MATCAP1: variants seen among roughly 807,000 people sequenced by gnomAD.
MATCAP1 encodes microtubule-associated tyrosine carboxypeptidase 1.
the MATCAP1 span, chr16:67,180,576 T>C: frequency 1.3e-6 from 2 of 1,524,808 alleles, no homozygotes. Flanking sequence ...GGGGGGTGCC[T>C]GATCATACGC....
the MATCAP1 span, chr16:67,179,767 C>T: frequency 1.2e-6 from 2 of 1,608,508 alleles, no homozygotes; most frequent in South Asian, 1.1e-5. The surrounding 1 kb of genome is among the most constrained non-coding windows in gnomAD (Gnocchi z 5.2). Flanking sequence ...GCCCACAAGA[C>T]ACCCTGATTT....
chr16:67,180,908 G>A, the MATCAP1 span, among the ~76,000 whole-genome samples: 1 of 152,138 alleles, frequency 6.6e-6, no homozygotes, highest in Non-Finnish European at 1.5e-5. Flanking sequence ...GTTGCCCAAG[G>A]TGGAGTGCAG....
At chr16:67,183,096 C>G in the MATCAP1 span, among the ~76,000 whole-genome samples, 3 of 151,894 alleles carry the variant, frequency 2.0e-5, no homozygotes, top group African/African-American at 7.3e-5. Flanking sequence ...CATCTTCCCC[C>G]TCTCCACTCC....
the MATCAP1 span, chr16:67,179,872 C>G: frequency 6.2e-7 from 1 of 1,614,136 alleles, no homozygotes; most frequent in African/African-American, 1.3e-5. The surrounding 1 kb of genome is among the most constrained non-coding windows in gnomAD (Gnocchi z 5.2). Flanking sequence ...ATATCTGGCA[C>G]TTGGTGAGCA....
chr16:67,180,231 C>T, the MATCAP1 span: 10 of 1,613,930 alleles, frequency 6.2e-6, no homozygotes, highest in Admixed American at 1.7e-5. Flanking sequence ...GCCTGCATCC[C>T]TTTGAGTCTT....
chr16:67,179,184 GGA>G, the MATCAP1 span: 5 of 1,335,594 alleles, frequency 3.7e-6, no homozygotes, highest in African/African-American at 7.4e-5. The surrounding 1 kb of genome is among the most constrained non-coding windows in gnomAD (Gnocchi z 5.2). Flanking sequence ...GAGAGGAAGT[GGA>G]GAGAGAAAAA....
At chr16:67,178,418 T>C in the MATCAP1 span, 1 of 1,541,566 alleles carries the variant, frequency 6.5e-7, no homozygotes, top group Non-Finnish European at 8.7e-7. Flanking sequence ...TCCGTGGGGT[T>C]CGCCGGCCGC....
At chr16:67,176,066 T>A in the MATCAP1 span, 1 of 54,494 alleles carries the variant, frequency 1.8e-5, no homozygotes, top group Non-Finnish European at 4.0e-5. The surrounding 1 kb of genome is among the most constrained non-coding windows in gnomAD (Gnocchi z 4.3). Flanking sequence ...TGTGTGTGTG[T>A]GTGTGTGTGT....
the MATCAP1 span, among the ~76,000 whole-genome samples, chr16:67,182,522 T>A: frequency 6.6e-6 from 1 of 152,200 alleles, no homozygotes; most frequent in Admixed American, 6.5e-5. Context: ...TCAGTGCAAT[T>A]TGAGATACTG....
At chr16:67,180,733 G>A in the MATCAP1 span, 2 of 591,962 alleles carry the variant, frequency 3.4e-6, no homozygotes, top group Non-Finnish European at 5.4e-6. Flanking sequence ...AGCAGGCCCT[G>A]TACTCCACAT....
At chr16:67,179,761 A>C in the MATCAP1 span, 2 of 1,607,680 alleles carry the variant, frequency 1.2e-6, no homozygotes, top group Admixed American at 3.3e-5. This position sits in a 1 kb window ranked among gnomAD's most constrained non-coding sequence, Gnocchi z 5.2. Flanking sequence ...GGGACCGCCC[A>C]CAAGACACCC....
chr16:67,179,052 G>A, the MATCAP1 span: 2 of 1,126,250 alleles, frequency 1.8e-6, no homozygotes, highest in South Asian at 3.7e-5. The surrounding 1 kb of genome is among the most constrained non-coding windows in gnomAD (Gnocchi z 5.2). Flanking sequence ...TCCATTCCCA[G>A]GACCTGGCCT....
chr16:67,178,448 C>G, the MATCAP1 span: 4 of 1,536,030 alleles, frequency 2.6e-6, no homozygotes, highest in Non-Finnish European at 3.5e-6. Context: ...CGCAGCCGGC[C>G]CTCCGCGTTG....
chr16:67,180,349 T>A, the MATCAP1 span: 1 of 1,612,618 alleles, frequency 6.2e-7, no homozygotes, highest in Non-Finnish European at 8.5e-7. Context: ...CGGCCAGTAC[T>A]ATTTACAGAG....
At chr16:67,180,616 C>A in the MATCAP1 span, 1 of 1,507,836 alleles carries the variant, frequency 6.6e-7, no homozygotes. Context: ...ACCATTCTGT[C>A]CTGGGGGTCA....
At chr16:67,182,228 A>G in the MATCAP1 span, among the ~76,000 whole-genome samples, 1 of 151,084 alleles carries the variant, frequency 6.6e-6, no homozygotes, top group East Asian at 1.9e-4. Flanking sequence ...CAGCCTGGGC[A>G]ACAACAGCGA....
chr16:67,179,386 C>A, the MATCAP1 span: 1 of 1,566,950 alleles, frequency 6.4e-7, no homozygotes, highest in Admixed American at 1.8e-5. The surrounding 1 kb of genome is among the most constrained non-coding windows in gnomAD (Gnocchi z 5.2). Flanking sequence ...AGCTCCCAGG[C>A]CCCTTTCATG....
the MATCAP1 span, chr16:67,177,986 CT>C: frequency 6.2e-7 from 1 of 1,601,822 alleles, no homozygotes; most frequent in Non-Finnish European, 8.6e-7. Context: ...TGGCTGGGAC[CT>C]CTGAAGGTCC....
the MATCAP1 span, chr16:67,179,022 C>T: frequency 1.1e-6 from 1 of 927,280 alleles, no homozygotes; most frequent in Non-Finnish European, 1.4e-6. The surrounding 1 kb of genome is among the most constrained non-coding windows in gnomAD (Gnocchi z 5.2). Flanking sequence ...AAACCAGGTG[C>T]CATGTGTCCT....
Sources: allele counts gnomAD v4.1 joint callset (sites outside exome capture counted in the v4.1 genomes callset), GRCh38; gene constraint gnomAD v4.1.1; non-coding constraint Gnocchi (gnomAD v3.1); transcripts MANE v1.5; gene names NCBI Gene and HGNC (gene_info 2026-07-23, HGNC 2026-07-21).